PTPRT: variants seen among roughly 807,000 people sequenced by gnomAD.
PTPRT encodes the protein receptor-type tyrosine-protein phosphatase T.
PTPRT carries 56 observed loss-of-function variants against 176.8 expected under a neutral mutation model. The ratio of observed to expected loss-of-function variants is 0.32; its 90% CI spans 0.26 to 0.40. The LOEUF (loss-of-function observed/expected upper bound fraction) is 0.40, where lower values mean the gene tolerates loss of function less well. Among genes scored for constraint, PTPRT ranks in the 10% least tolerant of loss-of-function variants. The probability of loss-of-function intolerance (pLI) is 1.00; values close to 1 mark genes in which losing one functional copy is unlikely to be tolerated. For missense variants in PTPRT, 1,540 were observed against 1,908.2 expected, an observed-to-expected ratio of 0.81 and a Z score of 3.60; for synonymous variants, 783 against 739.0, an observed-to-expected ratio of 1.06 and a Z score of -0.96.
rs555422633 is a variant in PTPRT at position 42,864,165 on chromosome 20, G to A, written c.214+21642C>T. Reference sequence around the variant, plus strand: ...CCCAGGCCAGGACTAAAATGACAAGGTCTGGCCACTCCAGGGCCTTCTGCT... The same window carrying A: ...CCCAGGCCAGGACTAAAATGACAAGATCTGGCCACTCCAGGGCCTTCTGCT... On this transcript the variant is annotated intron_variant, in intron 2 of 30. Coordinates refer to ENST00000373187, the MANE Select transcript of PTPRT (RefSeq NM_007050.6). 5.9e-5 allele frequency among the ~76,000 whole-genome samples: 9 copies of A among 152,314 alleles called. No homozygotes were observed. In the East Asian group the frequency reaches 1.5e-3, roughly 26 times the overall value.
intron 7 of PTPRT, among the ~76,000 whole-genome samples, chr20:42,606,046 T>C (rs1454188366): frequency 1.3e-5 from 2 of 152,222 alleles, no homozygotes; most frequent in Non-Finnish European, 2.9e-5. Flanking sequence ...GATCAGAATC[T>C]GCCTTTAACA....
At chr20:42,382,979 G>A (rs992234398) in intron 9 of PTPRT, among the ~76,000 whole-genome samples, 1 of 152,022 alleles carries the variant, frequency 6.6e-6, no homozygotes, top group South Asian at 2.1e-4. Context: ...ATTACATCTG[G>A]GTTTACATCC....
At chr20:43,061,087 A>ATGG (rs1987438489) in intron 1 of PTPRT, among the ~76,000 whole-genome samples, 3 of 149,914 alleles carry the variant, frequency 2.0e-5, no homozygotes, top group Non-Finnish European at 3.0e-5. Context: ...CGGATAAATG[A>ATGG]ATGGATGGAT....
At chr20:42,610,122 A>G (rs1183284904) in intron 7 of PTPRT, among the ~76,000 whole-genome samples, 1 of 152,210 alleles carries the variant, frequency 6.6e-6, no homozygotes, top group African/African-American at 2.4e-5. Context: ...ACTATTTTGC[A>G]ATGTGATACA....
chr20:42,979,990 TGG>T (rs34988665), intron 1 of PTPRT, among the ~76,000 whole-genome samples: 3 of 55,646 alleles, frequency 5.4e-5, no homozygotes, highest in East Asian at 5.4e-4. Context: ...GAAGGGGGGG[TGG>T]GGGGGGGTCT....
intron 7 of PTPRT, among the ~76,000 whole-genome samples, chr20:42,510,272 C>A (rs544267894): frequency 1.3e-5 from 2 of 152,188 alleles, no homozygotes; most frequent in South Asian, 4.2e-4. Flanking sequence ...ATGACCACAG[C>A]AGTCCCAGCA....
rs1158702647 is a variant in PTPRT, at chr20:42,806,633, GTT to G, written c.215-15169_215-15168del. Among the ~76,000 whole-genome samples, 3 of 152,096 alleles carry G rather than the reference GTT, an allele frequency of 2.0e-5. No individual in the cohort carries two copies. The South Asian group carries it at 6.2e-4, about 32-fold the overall frequency. On this transcript the variant is annotated intron_variant, in intron 2 of 30. Transcript: ENST00000373187. Reference sequence around the variant, plus strand: ...TATTTTAGGCTTAGCAGGCCGAAAAGTTTTTGTTAACAACTACTCAATTCTAC... The same window carrying G: ...TATTTTAGGCTTAGCAGGCCGAAAAGTTTGTTAACAACTACTCAATTCTAC...
chr20:42,284,791 C>T (rs938504986), intron 12 of PTPRT, among the ~76,000 whole-genome samples: 2 of 151,760 alleles, frequency 1.3e-5, no homozygotes, highest in Admixed American at 1.3e-4. Flanking sequence ...AAGTGTCTCT[C>T]TTTAAAACAA....
chr20:42,164,272 CT>C lies in PTPRT; in HGVS notation c.2492-2731del, dbSNP rs1325145544. Among the ~76,000 whole-genome samples the C allele has an allele frequency of 8.5e-5, 13 of 152,284 alleles. No homozygotes were observed. The East Asian group carries it at 2.5e-3, about 29-fold the overall frequency. ...AGGCTTCCTAGGAATGGGAACTTGG[CT>C]TTTTATGTGTGTGAGAAATGTCAAA... On this transcript the variant is annotated intron_variant, in intron 16 of 30. Transcript: ENST00000373187.
chr20:42,700,144 C>T (rs1419021445), intron 6 of PTPRT, among the ~76,000 whole-genome samples: 1 of 152,180 alleles, frequency 6.6e-6, no homozygotes, highest in Non-Finnish European at 1.5e-5. Context: ...CATCTCTAAC[C>T]TAGCGTTTGG....
At chr20:42,574,900 T>G (rs969094854) in intron 7 of PTPRT, among the ~76,000 whole-genome samples, 1 of 152,132 alleles carries the variant, frequency 6.6e-6, no homozygotes, top group Non-Finnish European at 1.5e-5. Flanking sequence ...CTCTCTCTCC[T>G]GCCATCCTGC....
intron 5 of PTPRT, among the ~76,000 whole-genome samples, chr20:42,762,259 A>G (rs1240072941): frequency 1.3e-5 from 2 of 152,174 alleles, no homozygotes; most frequent in Admixed American, 1.3e-4. Context: ...CTAGAACAGT[A>G]GTTCCTAAAT....
At chr20:42,982,274 A>C (rs1983327467) in intron 1 of PTPRT, among the ~76,000 whole-genome samples, 1 of 152,226 alleles carries the variant, frequency 6.6e-6, no homozygotes, top group African/African-American at 2.4e-5. Context: ...GGAGAGAGAG[A>C]GAGCCATGAC....
intron 9 of PTPRT, among the ~76,000 whole-genome samples, chr20:42,397,538 A>G (rs2058863584): frequency 6.6e-6 from 1 of 152,188 alleles, no homozygotes; most frequent in African/African-American, 2.4e-5. Flanking sequence ...GCTCCCATTT[A>G]TAAGTGAGAA....
intron 13 of PTPRT, among the ~76,000 whole-genome samples, chr20:42,263,071 A>G (rs2056776849): frequency 6.6e-6 from 1 of 152,198 alleles, no homozygotes. Context: ...TGAACGGGTT[A>G]CAGGATGCTG....
At chr20:42,043,279 A>G in the PTPRT span, among the ~76,000 whole-genome samples, 12 of 152,338 alleles carry the variant, frequency 7.9e-5, 1 homozygote, top group South Asian at 6.2e-4. Context: ...AAAATTTGGG[A>G]ACCACTGCCC....
intron 15 of PTPRT, among the ~76,000 whole-genome samples, chr20:42,214,042 C>A (rs1447216293): frequency 6.6e-6 from 1 of 152,134 alleles, no homozygotes; most frequent in Non-Finnish European, 1.5e-5. Context: ...AATTCTGCTA[C>A]AACACCGTGA....
At chr20:42,503,923 T>G (rs1185872055) in intron 7 of PTPRT, among the ~76,000 whole-genome samples, 1 of 152,110 alleles carries the variant, frequency 6.6e-6, no homozygotes, top group African/African-American at 2.4e-5. Context: ...ACTCCCTCAC[T>G]TCATTCAGGT....
chr20:42,608,269 C>A (rs1038977841), intron 7 of PTPRT, among the ~76,000 whole-genome samples: 3 of 152,170 alleles, frequency 2.0e-5, no homozygotes, highest in Admixed American at 2.0e-4. Flanking sequence ...CTGATGAACA[C>A]ACATCATGAT....
Sources: allele counts gnomAD v4.1 joint callset (sites outside exome capture counted in the v4.1 genomes callset), GRCh38; gene constraint gnomAD v4.1.1; transcripts MANE v1.5; gene names NCBI Gene and HGNC (gene_info 2026-07-23, HGNC 2026-07-21).